Variants in CFAP77 observed in about 807,000 individuals in gnomAD.
CFAP77 encodes cilia- and flagella-associated protein 77.
Under a neutral mutation model 31.1 loss-of-function variants are expected in CFAP77, and 25 were observed. The ratio of observed to expected loss-of-function variants is 0.80; its 90% confidence interval spans 0.59 to 1.12. The LOEUF is 1.12. Among genes scored for constraint, CFAP77 ranks in the 50% most tolerant of loss-of-function variants. The pLI, the probability that CFAP77 is intolerant of heterozygous loss-of-function variation, is 0.00. For synonymous variants in CFAP77, 151 were observed against 159.9 expected (o/e 0.94, Z 0.42); for missense variants, 377 against 397.3 (o/e 0.95, Z 0.44).
At chr9:132,537,797 G>T in intron 4 of CFAP77, 91 bp downstream of exon 4, 1 of 927,760 alleles carries the variant, frequency 1.1e-6, no homozygotes, top group South Asian at 1.5e-5. Context: ...TGACACTTGT[G>T]TATGTTTGTC....
At chr9:132,460,042 C>T (rs1589863457) in intron 1 of CFAP77, among the ~76,000 whole-genome samples, 1 of 152,102 alleles carries the variant, frequency 6.6e-6, no homozygotes, top group South Asian at 2.1e-4. Context: ...CCATGCAGGG[C>T]ATCGCACCCT....
chr9:132,543,038 C>G lies in CFAP77; in HGVS notation c.723C>G (p.His241Gln), dbSNP rs761872564. 2.5e-6 allele frequency: 4 copies of G among 1,613,720 alleles called. No individual in the cohort carries two copies. In the East Asian group the frequency reaches 8.9e-5, roughly 36 times the overall value. ...TGGACACCCTCTGGCACATGCCTCA[C>G]TTCCAGAAGGTCAGTGTCACCTTCA... ...VKLDTLWHMP[H>Q]FQKVGRHLDT... Residue 241 changes from histidine (H) to glutamine (Q), a missense_variant, in exon 5 of 6, where the codon CAC becomes CAG. Transcript: ENST00000393216.
chr9:132,510,803 G>C (rs1047153016), intron 3 of CFAP77, among the ~76,000 whole-genome samples: 4 of 152,140 alleles, frequency 2.6e-5, no homozygotes, highest in African/African-American at 9.7e-5. Context: ...CCTTGCATTC[G>C]TTTTGATGAA....
At chr9:132,500,576 T>G (rs1851825027) in intron 3 of CFAP77, among the ~76,000 whole-genome samples, 1 of 152,232 alleles carries the variant, frequency 6.6e-6, no homozygotes, top group African/African-American at 2.4e-5. Context: ...TTCAGCTTAA[T>G]GCAATTTTAC....
In CFAP77 at chr9:132,563,883, C is replaced by T. The variant is rs145456774; in HGVS notation, c.733-8505C>T. ...TGAGCATACTGTCCTGTTTTTTGGCCACTCAGATTTCCCCTCTGGAAACCA... is the reference window on the plus strand; with the variant it reads ...TGAGCATACTGTCCTGTTTTTTGGCTACTCAGATTTCCCCTCTGGAAACCA... On this transcript the variant is annotated intron_variant, in intron 5 of 5. Transcript: ENST00000393216. Among the ~76,000 whole-genome samples, 19 of 152,268 alleles carry T rather than the reference C, an allele frequency of 1.2e-4. No homozygotes were observed. The South Asian group carries it at 3.3e-3, about 27-fold the overall frequency.
intron 1 of CFAP77, among the ~76,000 whole-genome samples, chr9:132,432,882 T>G (rs1850435883): frequency 6.6e-6 from 1 of 151,766 alleles, no homozygotes; most frequent in South Asian, 2.1e-4. Context: ...CCCAGCTAAT[T>G]TTTTTTGTAT....
chr9:132,504,918 C>G (rs1430151824), intron 3 of CFAP77, among the ~76,000 whole-genome samples: 1 of 152,242 alleles, frequency 6.6e-6, no homozygotes, highest in Non-Finnish European at 1.5e-5. Context: ...CTTTTACAAG[C>G]CTCAACTGCA....
At chr9:132,478,235 G>A (rs1379160123) in intron 1 of CFAP77, among the ~76,000 whole-genome samples, 3 of 152,038 alleles carry the variant, frequency 2.0e-5, no homozygotes, top group African/African-American at 4.8e-5. Context: ...AACCATAACC[G>A]TGAGTACAGT....
chr9:132,533,421 G>A (rs1227136327), intron 3 of CFAP77, among the ~76,000 whole-genome samples: 1 of 149,824 alleles, frequency 6.7e-6, no homozygotes, highest in Non-Finnish European at 1.5e-5. Flanking sequence ...GAGGCCAGAA[G>A]CATGAAACAG....
At chr9:132,557,008 C>G (rs544665773) in intron 5 of CFAP77, among the ~76,000 whole-genome samples, 1 of 152,338 alleles carries the variant, frequency 6.6e-6, no homozygotes, top group African/African-American at 2.4e-5. Context: ...AAATTCTTTT[C>G]TTGTTTGACA....
At chr9:132,463,311 G>A (rs560401599) in intron 1 of CFAP77, among the ~76,000 whole-genome samples, 12 of 152,266 alleles carry the variant, frequency 7.9e-5, no homozygotes, top group African/African-American at 1.2e-4. Flanking sequence ...ATGTTCTTGC[G>A]GTGTGGTTTT....
chr9:132,452,654 A>T (rs562161850), intron 1 of CFAP77, among the ~76,000 whole-genome samples: 1 of 152,322 alleles, frequency 6.6e-6, no homozygotes, highest in East Asian at 1.9e-4. Flanking sequence ...CCAGCAACTA[A>T]GAATCAGGAC....
chr9:132,508,600 T>C (rs773050882), intron 3 of CFAP77, among the ~76,000 whole-genome samples: 1 of 152,066 alleles, frequency 6.6e-6, no homozygotes, highest in African/African-American at 2.4e-5. Flanking sequence ...GGTTTTGCTC[T>C]CAGAGGCTTC....
intron 1 of CFAP77, among the ~76,000 whole-genome samples, chr9:132,475,577 G>A (rs932992586): frequency 3.9e-5 from 6 of 152,184 alleles, no homozygotes; most frequent in African/African-American, 1.4e-4. Flanking sequence ...GAGTTAGGCA[G>A]GGAGAAGTGT....
chr9:132,470,967 G>C (rs1589870101), intron 1 of CFAP77, among the ~76,000 whole-genome samples: 2 of 152,328 alleles, frequency 1.3e-5, no homozygotes. Flanking sequence ...GACAGAGTGA[G>C]ACTCTGTTTC....
chr9:132,494,732 C>T (rs1472675293), intron 1 of CFAP77, among the ~76,000 whole-genome samples: 1 of 152,196 alleles, frequency 6.6e-6, no homozygotes, highest in Non-Finnish European at 1.5e-5. Context: ...GCCCCACATC[C>T]TTACCAGTAA....
chr9:132,413,672 A>G (rs544101829), intron 1 of CFAP77, among the ~76,000 whole-genome samples: 1 of 152,288 alleles, frequency 6.6e-6, no homozygotes, highest in Admixed American at 6.5e-5. Context: ...ATCGGAACTC[A>G]GCTGATAACC....
intron 1 of CFAP77, among the ~76,000 whole-genome samples, chr9:132,441,816 G>C (rs1381806429): frequency 6.6e-6 from 1 of 152,208 alleles, no homozygotes; most frequent in Admixed American, 6.5e-5. Flanking sequence ...GTTCCTCCAA[G>C]GGTGGCTGGT....
At chr9:132,529,436 A>T (rs1852394460) in intron 3 of CFAP77, among the ~76,000 whole-genome samples, 1 of 144,826 alleles carries the variant, frequency 6.9e-6, no homozygotes, top group Non-Finnish European at 1.5e-5. Flanking sequence ...GCAGCGCACC[A>T]GCATGGCACA....
Sources: allele counts gnomAD v4.1 joint callset (sites outside exome capture counted in the v4.1 genomes callset), GRCh38; gene constraint gnomAD v4.1.1; transcripts MANE v1.5; gene names NCBI Gene and HGNC (gene_info 2026-07-23, HGNC 2026-07-21).